The following POGZ variants were observed in gnomAD, a reference collection of about 807,000 sequenced individuals.
POGZ encodes pogo transposable element derived with ZNF domain, also known as pogo transposable element with ZNF domain.
In POGZ, 17 loss-of-function variants were observed where a neutral mutation model predicts 134.6. The ratio of observed to expected loss-of-function variants is 0.13; its 90% CI spans 0.09 to 0.19. POGZ has a LOEUF of 0.19. Among genes scored for constraint, POGZ ranks in the 10% least tolerant of loss-of-function variants. POGZ has a pLI of 1.00. For synonymous variants in POGZ, 693 were observed against 657.1 expected (o/e 1.05, Z -0.84); for missense variants, 1,306 against 1,769.7 (o/e 0.74, Z 4.70).
Position 151,424,131 on chromosome 1 carries a change from A to T in POGZ, c.1341T>A (p.Pro447=). 6.2e-7 allele frequency: 1 copy of T among 1,614,150 alleles called. No homozygotes were observed. Among genetic ancestry groups the T allele is most frequent in the South Asian group, 1.1e-5 (1 of 91,080 alleles). ...TCTCATTTGGTTCTGGTACTTTGGT[A>T]GGCGGTGACAGAGCAGGAATAGGTG... ...SSTPIPALSP[P]TKVPEPNENV... Residue 447 remains proline, a synonymous_variant, in exon 9 of 19, where the codon CCT becomes CCA. Transcript: ENST00000271715.
At chr1:151,423,706 T>C (rs1444112801) in intron 9 of POGZ, among the ~76,000 whole-genome samples, 155 bp from the exon 10 acceptor site, 2 of 152,176 alleles carry the variant, frequency 1.3e-5, no homozygotes, top group African/African-American at 4.8e-5. Context: ...AGAAAGATAA[T>C]GAGTTCTTGA....
Position 151,406,986 on chromosome 1 carries a change from T to G in POGZ, c.2470A>C (p.Thr824Pro). ...TTGGCCATAGCATCGCCCACAGAGGTAACAAAGGTACATGAAGTGCAGGCC... is the reference window on the plus strand; with the variant it reads ...TTGGCCATAGCATCGCCCACAGAGGGAACAAAGGTACATGAAGTGCAGGCC... ...KLACTSCTFVTSVGDAMAKHL... is the reference protein window; with the variant it reads ...KLACTSCTFVPSVGDAMAKHL... The change falls in exon 17 of 19, where the codon ACC (threonine) becomes CCC (proline). Residue 824 changes from threonine to proline, a missense_variant. Around this residue, in one of 10 missense-constraint regions of POGZ, gnomAD observed 214 missense variants for 255.5 expected, o/e 0.84. Coordinates refer to ENST00000271715, the MANE Select transcript of POGZ (RefSeq NM_015100.4). The G allele has an allele frequency of 1.9e-6, 3 of 1,613,878 alleles. 1 individual carries two copies. Among genetic ancestry groups the G allele is most frequent in the Non-Finnish European group, 2.5e-6 (3 of 1,179,952 alleles).
rs1227472384 is a variant in POGZ, at chr1:151,404,310, TA to T, written c.*491del. 1.2e-4 allele frequency: 117 copies of T among 984,938 alleles called. No homozygotes were observed. Among genetic ancestry groups the T allele is most frequent in the Non-Finnish European group, 1.4e-4 (117 of 829,180 alleles). The allele number at this position is 984,938 out of a possible 1,614,324, so 61.0% of individuals were successfully genotyped here. A position where few individuals can be genotyped will look rare whatever the true frequency, so the allele number is the denominator to read the frequency against. ...ATAATAAACCAGTTTGTGAGCTACATAATTTGTCTTTCCCATCTTCAGAAAT... is the reference window on the plus strand; with the variant it reads ...ATAATAAACCAGTTTGTGAGCTACATATTTGTCTTTCCCATCTTCAGAAAT... On this transcript the variant is annotated 3_prime_UTR_variant, in exon 19 of 19. Transcript: ENST00000271715.
chr1:151,419,512 C>A (rs1404934898), intron 10 of POGZ, among the ~76,000 whole-genome samples: 3 of 150,836 alleles, frequency 2.0e-5, no homozygotes, highest in Admixed American at 2.0e-4. Context: ...ACAAAAAACC[C>A]CCCAAAATTA....
chr1:151,411,049 T>A (rs1320515296), intron 12 of POGZ, among the ~76,000 whole-genome samples: 1 of 152,184 alleles, frequency 6.6e-6, no homozygotes, highest in Non-Finnish European at 1.5e-5. Flanking sequence ...CTTTAATCCA[T>A]TCTCTGCAGT....
At chr1:151,439,198 T>G (rs1225916329) in intron 3 of POGZ, 1 of 152,218 alleles carries the variant, frequency 6.6e-6, no homozygotes, top group Non-Finnish European at 1.5e-5. Flanking sequence ...GCAACTATTA[T>G]TACTTATAAC....
chr1:151,433,717 A>C (rs1659112590), intron 3 of POGZ, among the ~76,000 whole-genome samples: 1 of 152,078 alleles, frequency 6.6e-6, no homozygotes. Flanking sequence ...AAGCCAGACT[A>C]TGGAAAGTCA....
chr1:151,419,498 C>A lies in POGZ; in HGVS notation c.1678+3899G>T, dbSNP rs538345609. ...CCCTATCTCTACAAAAAACACCCCC[C>A]AAAACAAAAAACCCCCCAAAATTAG... On this transcript the variant is annotated intron_variant, in intron 10 of 18. Coordinates refer to ENST00000271715, the MANE Select transcript of POGZ (RefSeq NM_015100.4). 8.1e-4 allele frequency among the ~76,000 whole-genome samples: 122 copies of A among 150,948 alleles called. 3 individuals are homozygous for A. The South Asian group carries it at 0.022, about 28-fold the overall frequency.
rs1339066945 is a variant in POGZ, at chr1:151,443,739, CAAAT to C, written c.-1-1538_-1-1535del. The stretch of plus-strand genomic sequence containing the variant: ...CAAAAAAAATAAAAATAAATAAAAA[CAAAT>C]AAATAAAGTCTGTATCTCTGCATTG... On this transcript the variant is annotated intron_variant, in intron 1 of 18. Coordinates refer to ENST00000271715, the MANE Select transcript of POGZ (RefSeq NM_015100.4). Among the ~76,000 whole-genome samples, 15 of 152,150 alleles carry C rather than the reference CAAAT, an allele frequency of 9.9e-5. No individual in the cohort carries two copies. In the East Asian group the frequency reaches 1.2e-3, roughly 12 times the overall value.
chr1:151,405,533 T>C lies in POGZ; in HGVS notation c.3502A>G (p.Thr1168Ala). Residue 1168 changes from threonine to alanine, a missense_variant, in exon 19 of 19, where the codon ACT becomes GCT. This residue lies in a region of POGZ where 161 missense variants were observed against 185.4 expected (regional missense o/e 0.87). Coordinates refer to ENST00000271715, the MANE Select transcript of POGZ (RefSeq NM_015100.4). This position sits in a 1 kb window ranked among gnomAD's most constrained non-coding sequence, Gnocchi z 4.9. ...DVVLAILADG[T>A]VLPTLVFYRG... is the part of the protein sequence containing the mutation. ...TAGAAAACCAGGGTGGGAAGGACAG[T>C]GCCATCTGCCAGAATGGCTAGGACT... 6.2e-7 allele frequency: 1 copy of C among 1,614,224 alleles called. No homozygotes were observed. Among genetic ancestry groups the C allele is most frequent in the South Asian group, 1.1e-5 (1 of 91,090 alleles).
At chr1:151,458,235 G>C (rs1663002757) in intron 1 of POGZ, among the ~76,000 whole-genome samples, 1 of 152,092 alleles carries the variant, frequency 6.6e-6, no homozygotes, top group Non-Finnish European at 1.5e-5. Context: ...AAAACAAATA[G>C]ATCAATGACA....
At chr1:151,435,962 T>TC (rs1261534580) in intron 3 of POGZ, among the ~76,000 whole-genome samples, 11 of 150,156 alleles carry the variant, frequency 7.3e-5, no homozygotes, top group Admixed American at 4.6e-4. Context: ...TCTTTTCTTT[T>TC]TTTTTTTTTT....
At chr1:151,426,029 CTTT>C (rs1169997793) in intron 7 of POGZ, among the ~76,000 whole-genome samples, 2 of 151,986 alleles carry the variant, frequency 1.3e-5, no homozygotes, top group African/African-American at 4.8e-5. Context: ...TTTTATGGTT[CTTT>C]GATAGTAGCC....
chr1:151,408,041 GAAGAAGAAA>G, intron 15 of POGZ, 50 bp downstream of exon 15: 1 of 1,110,920 alleles, frequency 9.0e-7, no homozygotes, highest in East Asian at 2.6e-5. Context: ...AGAAGAAGAA[GAAGAAGAAA>G]AAAAGAATCT....
chr1:151,412,460 A>T, intron 10 of POGZ, 64 bp from the exon 11 acceptor site: 1 of 871,724 alleles, frequency 1.1e-6, no homozygotes. Flanking sequence ...GCTGACTCAC[A>T]ATCTTTATTT....
Position 151,403,814 on chromosome 1 carries a change from G to C in POGZ, c.*988C>G, listed in dbSNP as rs558291238. 7.1e-6 allele frequency: 7 copies of C among 985,370 alleles called. No individual in the cohort carries two copies. Among genetic ancestry groups the C allele is most frequent in the Non-Finnish European group, 8.4e-6 (7 of 829,934 alleles). The allele number at this position is 985,370 out of a possible 1,614,324, so 61.0% of individuals were successfully genotyped here. A position where few individuals can be genotyped will look rare whatever the true frequency, so the allele number is the denominator to read the frequency against. ...GTAGGACCAGTAATCCCTTAAACAG[G>C]CATGCTCTCCATCTAACAGGATGAA... On this transcript the variant is annotated 3_prime_UTR_variant, in exon 19 of 19. Coordinates refer to ENST00000271715, the MANE Select transcript of POGZ (RefSeq NM_015100.4).
At chr1:151,457,743 A>G (rs958271811) in intron 1 of POGZ, among the ~76,000 whole-genome samples, 7 of 152,292 alleles carry the variant, frequency 4.6e-5, no homozygotes, top group East Asian at 1.9e-4. Flanking sequence ...CCTGGCCAAC[A>G]TGGTGAAACC....
chr1:151,407,009 G>C lies in POGZ; in HGVS notation c.2447C>G (p.Ala816Gly). ...GGTAACAAAGGTACATGAAGTGCAG[G>C]CCAGCTTGATTCCACTAAAAAAGAG... The part of the protein sequence containing the change: ...FKNSVSGIKL[A>G]CTSCTFVTSV... Residue 816 changes from alanine (A) to glycine (G), a missense_variant, in exon 17 of 19, where the codon GCC (alanine) becomes GGC (glycine). This residue lies in a region of POGZ where 34 missense variants were observed against 95.5 expected (regional missense o/e 0.36). Transcript: ENST00000271715. The C allele has an allele frequency of 6.2e-7, 1 of 1,613,644 alleles. No individual in the cohort carries two copies.
Position 151,403,234 on chromosome 1 carries a change from G to A in POGZ, c.*1568C>T, listed in dbSNP as rs1032513164. 2 of 985,680 alleles carry A rather than the reference G, an allele frequency of 2.0e-6. No homozygotes were observed. Among genetic ancestry groups the A allele is most frequent in the East Asian group, 2.3e-4 (2 of 8,822 alleles). 61.1% of individuals were successfully genotyped at this position (985,680 alleles called of 1,614,324 possible). ...CAAACAAACAAAAAAGCAGGGTGGG[G>A]TGGGAGAAATGGGTGGTAACAAATG... On this transcript the variant is annotated 3_prime_UTR_variant, in exon 19 of 19. Coordinates refer to ENST00000271715, the MANE Select transcript of POGZ (RefSeq NM_015100.4).
Sources: allele counts gnomAD v4.1 joint callset (sites outside exome capture counted in the v4.1 genomes callset), GRCh38; gene constraint gnomAD v4.1.1; regional missense constraint gnomAD v4.1.1; non-coding constraint Gnocchi (gnomAD v3.1); transcripts MANE v1.5; gene names NCBI Gene and HGNC (gene_info 2026-07-23, HGNC 2026-07-21).